Variants in HEATR4 observed in about 807,000 individuals in gnomAD.
HEATR4 encodes HEAT repeat containing 4, also known as HEAT repeat-containing protein 4.
Under a neutral mutation model 108.8 loss-of-function variants are expected in HEATR4, and 95 were observed. The ratio of observed to expected loss-of-function variants is 0.87; its 90% confidence interval spans 0.74 to 1.04. The LOEUF (loss-of-function observed/expected upper bound fraction) is 1.04. Ranked by LOEUF, HEATR4 falls within the 50% of genes least tolerant of loss-of-function variation. The pLI is 0.00. For synonymous variants in HEATR4, 443 were observed against 459.4 expected (o/e 0.96, Z 0.46); for missense variants, 1,152 against 1,253.8 (o/e 0.92, Z 1.23).
chr14:73,608,826 C>T, the HEATR4 span, among the ~76,000 whole-genome samples: 1 of 152,224 alleles, frequency 6.6e-6, no homozygotes. Context: ...TTCAGCATGG[C>T]TGAGGAGGCC....
the HEATR4 span, among the ~76,000 whole-genome samples, chr14:73,566,683 G>A: frequency 1.8e-4 from 28 of 152,286 alleles, no homozygotes; most frequent in African/African-American, 6.3e-4. Context: ...CCGCAAGTGC[G>A]GAACGCAGCC....
At chr14:73,509,022 G>A (rs551025515) in intron 8 of HEATR4, among the ~76,000 whole-genome samples, 74 of 151,948 alleles carry the variant, frequency 4.9e-4, no homozygotes, top group Middle Eastern at 3.4e-3. Flanking sequence ...GCACACCACC[G>A]CACCTGGCTA....
At chr14:73,493,239 C>T in intron 16 of HEATR4, 115 bp from the exon 17 acceptor site, 2 of 799,274 alleles carry the variant, frequency 2.5e-6, no homozygotes, top group Non-Finnish European at 4.2e-6. Flanking sequence ...GTAACACTGA[C>T]CATGTCGTTC....
At chr14:73,520,799 C>T in intron 4 of HEATR4, 53 bp downstream of exon 4, 1 of 1,507,828 alleles carries the variant, frequency 6.6e-7, no homozygotes, top group Non-Finnish European at 9.1e-7. Context: ...AATCTTCCAC[C>T]TTCCTGGCCC....
chr14:73,490,883 ATGATGGGCGTGGCC>A, intron 17 of HEATR4: 1 of 933,854 alleles, frequency 1.1e-6, no homozygotes, highest in Non-Finnish European at 1.4e-6. Context: ...GAATAGAAGA[ATGATGGGCGTGGCC>A]AACCCCGAGG....
At chr14:73,542,061 T>G (rs1453806271) in intron 1 of HEATR4, among the ~76,000 whole-genome samples, 2 of 112,820 alleles carry the variant, frequency 1.8e-5, no homozygotes, top group African/African-American at 6.0e-5. Flanking sequence ...TCACAATATT[T>G]GTCAGGCTGG....
chr14:73,586,905 C>T, the HEATR4 span, among the ~76,000 whole-genome samples: 1 of 152,026 alleles, frequency 6.6e-6, no homozygotes, highest in South Asian at 2.1e-4. Context: ...GAGTCTTGCT[C>T]TGTTGCCCAG....
intron 11 of HEATR4, among the ~76,000 whole-genome samples, chr14:73,501,587 T>C (rs1450613210): frequency 2.8e-4 from 42 of 148,694 alleles, no homozygotes; most frequent in Non-Finnish European, 8.9e-5. Flanking sequence ...TTTTTTTTTT[T>C]TTTTGAGATA....
At position 73,514,177 on chromosome 14, in the gene HEATR4, T is replaced by G; in HGVS notation, c.1268A>C (p.Asp423Ala). The G allele has an allele frequency of 5.6e-6, 9 of 1,614,186 alleles. No homozygotes were observed. The highest frequency in any genetic ancestry group is 7.6e-6 in the Non-Finnish European group (9 of 1,180,028). Residue 423 changes from aspartate (D) to alanine (A), a missense_variant, in exon 6 of 18, where the codon GAT (aspartate) becomes GCT (alanine). Coordinates refer to ENST00000553558, the MANE Select transcript of HEATR4 (RefSeq NM_001220484.1). Reference sequence around the variant, plus strand: ...CTTCTCACCCACCTGCAGCAGCATATCCTTGGCGGGGGTGGGCAAAGCAGT... The same window carrying G: ...CTTCTCACCCACCTGCAGCAGCATAGCCTTGGCGGGGGTGGGCAAAGCAGT... Reference protein sequence around the residue: ...RWTALPTPAKDMLLQVGEKDV... With the variant: ...RWTALPTPAKAMLLQVGEKDV...
intron 17 of HEATR4, chr14:73,491,799 A>G (rs1324041027): frequency 6.3e-7 from 1 of 1,595,294 alleles, no homozygotes; most frequent in Admixed American, 1.8e-5. Flanking sequence ...TTCGGCCAGC[A>G]TTTGGACGCC....
chr14:73,514,121 T>G lies in HEATR4; in HGVS notation c.1324A>C (p.Lys442Gln), dbSNP rs771534359. Residue 442 changes from lysine to glutamine, a missense_variant, in exon 6 of 18, where the codon AAG becomes CAG. Physicochemically the swap from Lys to Gln is moderately conservative, Grantham distance 53. Transcript: ENST00000553558. Reference sequence around the variant, plus strand: ...TCCTCCTGCAGTGATTTTGCCTGCTTCTTCAATCTCCTGGTCTTAATAGGC... The same window carrying G: ...TCCTCCTGCAGTGATTTTGCCTGCTGCTTCAATCTCCTGGTCTTAATAGGC... ...DVPIKTRRLK[K>Q]QAKSLQEDVT... 4.3e-6 allele frequency: 7 copies of G among 1,613,690 alleles called. No individual in the cohort carries two copies. The East Asian group carries it at 6.7e-5, about 15-fold the overall frequency.
intron 17 of HEATR4, chr14:73,491,248 CGCGCTACCCG>C (rs1885706192): frequency 6.3e-7 from 1 of 1,583,002 alleles, no homozygotes; most frequent in South Asian, 1.1e-5. Flanking sequence ...ACCTGGGGGA[CGCGCTACCCG>C]GTGGGGCGGC....
chr14:73,628,682 G>A, the HEATR4 span, among the ~76,000 whole-genome samples: 1 of 151,944 alleles, frequency 6.6e-6, no homozygotes, highest in African/African-American at 2.4e-5. Context: ...GAACCCGGGA[G>A]GTGGAGGTTT....
intron 6 of HEATR4, 78 bp downstream of exon 6, chr14:73,513,953 A>T: frequency 4.9e-6 from 7 of 1,441,038 alleles, no homozygotes; most frequent in Non-Finnish European, 6.8e-6. Context: ...TGGATTTTTC[A>T]AAGACTGAGA....
At chr14:73,486,766 T>C (rs1375817511) in intron 17 of HEATR4, among the ~76,000 whole-genome samples, 10 of 152,162 alleles carry the variant, frequency 6.6e-5, no homozygotes, top group African/African-American at 2.4e-5. Flanking sequence ...ATTTACACTT[T>C]AGATATAGAT....
intron 17 of HEATR4, among the ~76,000 whole-genome samples, chr14:73,483,174 C>T (rs896597373): frequency 2.0e-5 from 3 of 152,186 alleles, no homozygotes; most frequent in Admixed American, 6.5e-5. Context: ...AAAATTGTTT[C>T]CCAGGGGAGT....
chr14:73,569,632 G>T, the HEATR4 span: 4 of 1,602,408 alleles, frequency 2.5e-6, no homozygotes, highest in Non-Finnish European at 2.6e-6. Flanking sequence ...CCCGCGCTGG[G>T]CGGCAGCTTC....
intron 17 of HEATR4, among the ~76,000 whole-genome samples, chr14:73,481,505 A>G (rs977235019): frequency 2.0e-5 from 3 of 152,132 alleles, no homozygotes; most frequent in African/African-American, 7.2e-5. Context: ...ATACTGTATA[A>G]TTCCAATTAT....
rs1449173924 is a variant in HEATR4, at chr14:73,478,942, T to C, written c.2845-100A>G. On this transcript the variant is annotated intron_variant, in intron 17 of 17. Coordinates refer to ENST00000553558, the MANE Select transcript of HEATR4 (RefSeq NM_001220484.1). ...CTCTTTGGCTATAGGGTGTCTCCTT[T>C]TTTTTTTTCTTTTTGAGACGGAGTC... The C allele has an allele frequency of 3.1e-5, 25 of 816,300 alleles. No homozygotes were observed. In the South Asian group the frequency reaches 4.8e-4, roughly 16 times the overall value. 50.6% of individuals were successfully genotyped at this position (816,300 alleles called of 1,614,324 possible). A position where few individuals can be genotyped will look rare whatever the true frequency, so the allele number is the denominator to read the frequency against.
Sources: allele counts gnomAD v4.1 joint callset (sites outside exome capture counted in the v4.1 genomes callset), GRCh38; gene constraint gnomAD v4.1.1; transcripts MANE v1.5; gene names NCBI Gene and HGNC (gene_info 2026-07-23, HGNC 2026-07-21).